RPS6KC1: variants seen among roughly 807,000 people sequenced by gnomAD.
RPS6KC1 encodes ribosomal protein S6 kinase C1.
Under a neutral mutation model 103.8 loss-of-function variants are expected in RPS6KC1, and 54 were observed. The observed-to-expected ratio is 0.52, with a 90% CI of 0.42 to 0.65. RPS6KC1 has a LOEUF of 0.65. RPS6KC1 is among the 30% of genes least tolerant of loss of function. RPS6KC1 has a pLI of 0.00. For synonymous variants in RPS6KC1, 439 were observed against 438.7 expected, an observed-to-expected ratio of 1.00 and a Z score of -0.01; for missense variants, 1,151 against 1,253.8, an observed-to-expected ratio of 0.92 and a Z score of 1.24.
chr1:213,124,328 G>A (rs1424979140), intron 5 of RPS6KC1, among the ~76,000 whole-genome samples: 3 of 152,172 alleles, frequency 2.0e-5, no homozygotes, highest in Admixed American at 6.6e-5. Context: ...GTTGACTTCA[G>A]GTTGGTTTAA....
chr1:213,152,153 C>T (rs2089164566), intron 6 of RPS6KC1, among the ~76,000 whole-genome samples: 1 of 139,626 alleles, frequency 7.2e-6, no homozygotes, highest in Non-Finnish European at 1.6e-5. Context: ...CCCTCACCTC[C>T]TGGACGGGGC....
the RPS6KC1 span, among the ~76,000 whole-genome samples, chr1:213,363,821 C>CTCTCT: frequency 9.3e-4 from 61 of 65,888 alleles, 1 homozygote; most frequent in African/African-American, 1.4e-3. Context: ...TTTCTTCTCT[C>CTCTCT]TTTTTTTTTT....
the RPS6KC1 span, among the ~76,000 whole-genome samples, chr1:213,803,445 C>T: frequency 7.9e-5 from 12 of 152,052 alleles, no homozygotes; most frequent in Admixed American, 1.3e-4. Flanking sequence ...TGGGGTTTCA[C>T]TATGGTGGCC....
At chr1:213,116,984 C>T (rs915567703) in intron 4 of RPS6KC1, among the ~76,000 whole-genome samples, 2 of 152,086 alleles carry the variant, frequency 1.3e-5, no homozygotes, top group East Asian at 1.9e-4. Context: ...CTGCTCTTAA[C>T]ATTTTTTGAA....
At chr1:213,838,062 C>T in the RPS6KC1 span, among the ~76,000 whole-genome samples, 48 of 152,238 alleles carry the variant, frequency 3.2e-4, no homozygotes, top group African/African-American at 1.0e-3. Flanking sequence ...TCTACTCTCT[C>T]GCTCCCATTA....
At chr1:213,511,541 C>T in the RPS6KC1 span, among the ~76,000 whole-genome samples, 16 of 152,276 alleles carry the variant, frequency 1.1e-4, no homozygotes, top group East Asian at 1.9e-4. Flanking sequence ...CCCTCTGCTC[C>T]GAATCCCCCA....
intron 14 of RPS6KC1, 75 bp from the exon 15 acceptor site, chr1:213,272,449 T>C: frequency 8.5e-7 from 1 of 1,169,930 alleles, no homozygotes; most frequent in Non-Finnish European, 1.3e-6. Context: ...TTAGAAGTTG[T>C]TTCTTTTCAA....
In RPS6KC1 at chr1:213,231,295, T is replaced by C. The variant is rs368987320; in HGVS notation, c.1092+751T>C. 2.3e-4 allele frequency among the ~76,000 whole-genome samples: 35 copies of C among 152,326 alleles called. No homozygotes were observed. The East Asian group carries it at 4.6e-3, about 20-fold the overall frequency. On this transcript the variant is annotated intron_variant, in intron 9 of 14. Coordinates refer to ENST00000366960, the MANE Select transcript of RPS6KC1 (RefSeq NM_012424.6). Reference sequence around the variant, plus strand: ...TACAGGTATTTTGGGAAAGTGTATCTACATTCCTGGTCCTCTATTTGATCT... The same window carrying C: ...TACAGGTATTTTGGGAAAGTGTATCCACATTCCTGGTCCTCTATTTGATCT...
the RPS6KC1 span, among the ~76,000 whole-genome samples, chr1:213,768,386 A>G: frequency 1.3e-5 from 2 of 152,198 alleles, no homozygotes; most frequent in Non-Finnish European, 2.9e-5. Context: ...CAGGGAGAAA[A>G]AAAAATAGAA....
At chr1:213,228,400 C>T (rs1017969158) in intron 8 of RPS6KC1, among the ~76,000 whole-genome samples, 7 of 152,130 alleles carry the variant, frequency 4.6e-5, no homozygotes, top group African/African-American at 1.7e-4. Flanking sequence ...TCTGTAGTGT[C>T]TTCTAATGTA....
At chr1:213,163,438 C>A (rs1342900840) in intron 6 of RPS6KC1, among the ~76,000 whole-genome samples, 3 of 152,172 alleles carry the variant, frequency 2.0e-5, no homozygotes, top group African/African-American at 7.2e-5. Flanking sequence ...CAAATAGAGT[C>A]AAAATACTCT....
the RPS6KC1 span, among the ~76,000 whole-genome samples, chr1:213,494,066 A>G: frequency 0.03 from 4,627 of 152,118 alleles, 179 homozygotes; most frequent in East Asian, 0.12. Flanking sequence ...AAATGTGATA[A>G]CTCTGTAGTA....
the RPS6KC1 span, among the ~76,000 whole-genome samples, chr1:213,584,644 A>T: frequency 1.3e-5 from 2 of 152,252 alleles, no homozygotes; most frequent in South Asian, 4.1e-4. Flanking sequence ...TTAGGAAAAG[A>T]GAGAGGCTAC....
intron 1 of RPS6KC1, among the ~76,000 whole-genome samples, chr1:213,070,147 CT>C (rs531225840): frequency 0.034 from 5,191 of 152,018 alleles, 122 homozygotes; most frequent in Middle Eastern, 0.054. Context: ...ATTGTAGCTG[CT>C]TTTTTTTAAT....
chr1:213,379,904 G>A, the RPS6KC1 span, among the ~76,000 whole-genome samples: 6 of 151,616 alleles, frequency 4.0e-5, no homozygotes, highest in Admixed American at 2.6e-4. Flanking sequence ...AGTCATTGTG[G>A]AAGATAGTGT....
the RPS6KC1 span, among the ~76,000 whole-genome samples, chr1:213,784,437 T>G: frequency 6.6e-6 from 1 of 152,220 alleles, no homozygotes; most frequent in Non-Finnish European, 1.5e-5. Context: ...TATTGATGCT[T>G]CCTTGAGCTC....
the RPS6KC1 span, among the ~76,000 whole-genome samples, chr1:213,512,364 G>T: frequency 1.3e-5 from 2 of 152,310 alleles, no homozygotes; most frequent in South Asian, 4.2e-4. Context: ...TGGAGCCAGA[G>T]AAATCAACCT....
the RPS6KC1 span, among the ~76,000 whole-genome samples, chr1:213,807,184 C>G: frequency 1.3e-5 from 2 of 152,204 alleles, no homozygotes; most frequent in Admixed American, 6.5e-5. Context: ...TGTGGGTAAC[C>G]TGACCTTTCT....
chr1:213,136,773 C>A (rs1205281690), intron 6 of RPS6KC1, among the ~76,000 whole-genome samples: 1 of 152,168 alleles, frequency 6.6e-6, no homozygotes, highest in African/African-American at 2.4e-5. Flanking sequence ...CAGAATTTGG[C>A]CAGCACCATA....
Sources: allele counts gnomAD v4.1 joint callset (sites outside exome capture counted in the v4.1 genomes callset), GRCh38; gene constraint gnomAD v4.1.1; transcripts MANE v1.5; gene names NCBI Gene and HGNC (gene_info 2026-07-23, HGNC 2026-07-21).